Variants in PI4KA observed in about 807,000 individuals in gnomAD.
PI4KA encodes phosphatidylinositol 4-kinase alpha.
In PI4KA, 122 loss-of-function variants were observed where a neutral mutation model predicts 271.4. The observed-to-expected ratio is 0.45, with a 90% CI of 0.39 to 0.52. The LOEUF (loss-of-function observed/expected upper bound fraction) is 0.52, where lower values mean the gene tolerates loss of function less well. Among genes scored for constraint, PI4KA ranks in the 20% least tolerant of loss-of-function variants. PI4KA has a pLI of 0.00. For synonymous variants in PI4KA, 1,041 were observed against 1,078.8 expected (o/e 0.96, Z 0.69); for missense variants, 1,969 against 2,769.1 (o/e 0.71, Z 6.48).
At chr22:20,800,743 G>A (rs1310149062) in intron 14 of PI4KA, among the ~76,000 whole-genome samples, 8 of 149,730 alleles carry the variant, frequency 5.3e-5, no homozygotes, top group South Asian at 2.1e-4. Flanking sequence ...GCATGGTGGC[G>A]GGCACCTGTA....
intron 45 of PI4KA, among the ~76,000 whole-genome samples, chr22:20,715,976 C>T (rs1197884173): frequency 2.0e-5 from 3 of 152,044 alleles, no homozygotes; most frequent in African/African-American, 7.2e-5. Flanking sequence ...CTGCAACCTC[C>T]ACCTCCTGGG....
intron 42 of PI4KA, among the ~76,000 whole-genome samples, chr22:20,722,427 T>C (rs1393955521): frequency 6.6e-6 from 1 of 152,134 alleles, no homozygotes; most frequent in African/African-American, 2.4e-5. Flanking sequence ...CCTCAGGTGA[T>C]CCACCCACCT....
chr22:20,846,263 C>CAAAAAAAAAAAAAAAAAA (rs361641), intron 1 of PI4KA, among the ~76,000 whole-genome samples: 2 of 82,094 alleles, frequency 2.4e-5, no homozygotes, highest in Admixed American at 1.4e-4. Context: ...GACTCTATCT[C>CAAAAAAAAAAAAAAAAAA]AAAAAAAAAA....
intron 52 of PI4KA, 62 bp downstream of exon 52, chr22:20,710,637 G>C (rs1050716957): frequency 7.3e-5 from 107 of 1,465,058 alleles, no homozygotes; most frequent in Admixed American, 5.5e-4. Context: ...TCATCCTAAA[G>C]GGGATCTCAG....
At chr22:20,786,668 G>A (rs1012143568) in intron 19 of PI4KA, among the ~76,000 whole-genome samples, 22 of 152,126 alleles carry the variant, frequency 1.4e-4, no homozygotes, top group Non-Finnish European at 2.4e-4. Flanking sequence ...ACTGCCAAGA[G>A]GGAACATGAA....
chr22:20,807,016 T>A (rs1174370909), intron 10 of PI4KA, among the ~76,000 whole-genome samples: 1 of 152,194 alleles, frequency 6.6e-6, no homozygotes, highest in African/African-American at 2.4e-5. Flanking sequence ...ATTATACGCA[T>A]AAGCCACTGT....
In PI4KA at chr22:20,776,804, G is replaced by T. The variant is rs752160711; in HGVS notation, c.2329-11111C>A. On this transcript the variant is annotated intron_variant, in intron 19 of 54. Coordinates refer to ENST00000255882, the MANE Select transcript of PI4KA (RefSeq NM_058004.4). Reference sequence around the variant, plus strand: ...AGTTACACGAAGTGCCTTATACAGCGTGTCAGGCATCCAACAGAGGCCATT... The same window carrying T: ...AGTTACACGAAGTGCCTTATACAGCTTGTCAGGCATCCAACAGAGGCCATT... Among the ~76,000 whole-genome samples the T allele has an allele frequency of 2.6e-5, 4 of 152,132 alleles. No homozygotes were observed. In the East Asian group the frequency reaches 7.7e-4, roughly 29 times the overall value.
intron 18 of PI4KA, among the ~76,000 whole-genome samples, chr22:20,795,123 G>A (rs1934902236): frequency 6.6e-6 from 1 of 151,954 alleles, no homozygotes. Flanking sequence ...ATACATTGGG[G>A]TTTTTCTTTA....
At chr22:20,731,880 G>A (rs1479912670) in intron 36 of PI4KA, among the ~76,000 whole-genome samples, 1 of 150,802 alleles carries the variant, frequency 6.6e-6, no homozygotes, top group East Asian at 2.0e-4. Context: ...AGTGAGCGGA[G>A]ACTGCACCAC....
rs372741430 is a variant in PI4KA at position 20,751,241 on chromosome 22, A to G, written c.3153+52T>C. On this transcript the variant is annotated intron_variant, in intron 27 of 54. Transcript: ENST00000255882. ...GGTTGACCATCTCGTGGAAATACTC[A>G]GGGAATTGTGGTAAAGATGGCCCTT... 146 of 1,417,960 alleles carry G rather than the reference A, an allele frequency of 1.0e-4. No homozygotes were observed. In the Middle Eastern group the frequency reaches 1.2e-3, roughly 12 times the overall value. The allele number at this position is 1,417,960 out of a possible 1,614,324, so 87.8% of individuals were successfully genotyped here. A position where few individuals can be genotyped will look rare whatever the true frequency, so the allele number is the denominator to read the frequency against.
chr22:20,740,920 AGCAGACCT>A (rs1929353918), intron 32 of PI4KA, among the ~76,000 whole-genome samples: 1 of 152,262 alleles, frequency 6.6e-6, no homozygotes, highest in Admixed American at 6.5e-5. Context: ...ATTTATTTCC[AGCAGACCT>A]GCATTACTGG....
chr22:20,747,363 T>A (rs570421727), intron 29 of PI4KA: 176 of 372,958 alleles, frequency 4.7e-4, no homozygotes, highest in Middle Eastern at 1.4e-3. Flanking sequence ...TCCATAAATT[T>A]AAAAAAAAAA....
intron 7 of PI4KA, among the ~76,000 whole-genome samples, chr22:20,817,625 T>C (rs2147681386): frequency 6.7e-6 from 1 of 149,966 alleles, no homozygotes; most frequent in Non-Finnish European, 1.5e-5. Context: ...TCCTAGCTAC[T>C]TGGGAGGCTG....
chr22:20,839,532 T>C (rs1236600344), intron 1 of PI4KA, among the ~76,000 whole-genome samples: 9 of 152,058 alleles, frequency 5.9e-5, no homozygotes, highest in African/African-American at 2.2e-4. Flanking sequence ...ACTGACTCTT[T>C]TAAAAAATCA....
chr22:20,854,272 C>T (rs552138257), intron 1 of PI4KA, among the ~76,000 whole-genome samples: 90 of 152,058 alleles, frequency 5.9e-4, no homozygotes, highest in Non-Finnish European at 1.1e-3. Context: ...AGGCGTCCGC[C>T]ACCACGCCTG....
At chr22:20,847,105 G>A (rs1431158566) in intron 1 of PI4KA, among the ~76,000 whole-genome samples, 4 of 147,978 alleles carry the variant, frequency 2.7e-5, no homozygotes, top group Non-Finnish European at 3.0e-5. Context: ...CCGAGATCAC[G>A]CCACTGCACT....
At chr22:20,719,238 A>C (rs1282459129) in intron 43 of PI4KA, among the ~76,000 whole-genome samples, 2 of 151,996 alleles carry the variant, frequency 1.3e-5, no homozygotes, top group Non-Finnish European at 2.9e-5. Flanking sequence ...TCTACCCTGA[A>C]TACATGTCTT....
chr22:20,728,725 T>C (rs1927656280), intron 39 of PI4KA, among the ~76,000 whole-genome samples: 1 of 152,194 alleles, frequency 6.6e-6, no homozygotes, highest in African/African-American at 2.4e-5. Flanking sequence ...TGCAGTACAT[T>C]GGCAAGTCTG....
intron 4 of PI4KA, among the ~76,000 whole-genome samples, chr22:20,820,948 C>CCCTAT (rs766761121): frequency 2.9e-4 from 44 of 152,334 alleles, no homozygotes; most frequent in Non-Finnish European, 5.3e-4. Context: ...TGGGTAAACG[C>CCCTAT]CCTAGCGCTT....
Sources: allele counts gnomAD v4.1 joint callset (sites outside exome capture counted in the v4.1 genomes callset), GRCh38; gene constraint gnomAD v4.1.1; transcripts MANE v1.5; gene names NCBI Gene and HGNC (gene_info 2026-07-23, HGNC 2026-07-21).